Variants in BRINP1 observed in about 807,000 individuals in gnomAD.
The protein encoded by BRINP1 is BMP/retinoic acid-inducible neural-specific protein 1.
BRINP1 carries 17 observed loss-of-function variants against 72.9 expected under a neutral mutation model. That is an observed-to-expected ratio of 0.23 (90% confidence interval 0.16 to 0.35). The LOEUF is 0.35. BRINP1 is among the 10% of genes least tolerant of loss of function. BRINP1 has a pLI of 1.00. For missense variants in BRINP1, 850 were observed against 1,001.6 expected, an observed-to-expected ratio of 0.85 and a Z score of 2.04; for synonymous variants, 418 against 378.5, an observed-to-expected ratio of 1.10 and a Z score of -1.21.
At chr9:119,318,866 T>C (rs1831156216) in intron 1 of BRINP1, among the ~76,000 whole-genome samples, 4 of 151,704 alleles carry the variant, frequency 2.6e-5, no homozygotes. Flanking sequence ...TGTGTGTGTG[T>C]GTGTGTGTGT....
Position 119,248,088 on chromosome 9 carries a change from T to G in BRINP1, c.409+872A>C, listed in dbSNP as rs79991081. The stretch of plus-strand genomic sequence containing the variant: ...CTGTACTGACCACTCCAGTTGGTAG[T>G]GCTCAACATGTCTCTGAAGGAGAAG... On this transcript the variant is annotated intron_variant, in intron 3 of 7. Transcript: ENST00000265922. Among the ~76,000 whole-genome samples, 1,497 of 152,322 alleles carry G rather than the reference T, an allele frequency of 9.8e-3. 25 individuals carry two copies. The highest frequency in any genetic ancestry group is 0.033 in the African/African-American group (1,375 of 41,560).
At chr9:119,203,852 T>C (rs1829827158) in intron 7 of BRINP1, among the ~76,000 whole-genome samples, 1 of 152,194 alleles carries the variant, frequency 6.6e-6, no homozygotes, top group Admixed American at 6.5e-5. Context: ...TTCTACTCAA[T>C]TGCTATTGTA....
chr9:119,312,966 T>C (rs970527932), intron 2 of BRINP1, among the ~76,000 whole-genome samples, 172 bp downstream of exon 2: 2 of 152,206 alleles, frequency 1.3e-5, no homozygotes, highest in Non-Finnish European at 2.9e-5. Context: ...CTCCTTGTCA[T>C]TGTTAATCTC....
intron 1 of BRINP1, among the ~76,000 whole-genome samples, chr9:119,351,450 A>G (rs557664229): frequency 1.1e-4 from 17 of 148,290 alleles, no homozygotes; most frequent in African/African-American, 3.9e-4. Context: ...GCCAGGTTTG[A>G]AAAAAAAAAA....
Position 119,367,219 on chromosome 9 carries a change from T to TATATATATATA in BRINP1, c.-51+1836_-51+1837insTATATATATAT, listed in dbSNP as rs1219045184. On this transcript the variant is annotated intron_variant, in intron 1 of 7. Coordinates refer to ENST00000265922, the MANE Select transcript of BRINP1 (RefSeq NM_014618.3). ...TGTGTGTGTGTGTGTGTGTGTGTGA[T>TATATATATATA]TGATATATATATATATATATATATC... Among the ~76,000 whole-genome samples, 18 of 56,504 alleles carry TATATATATATA rather than the reference T, an allele frequency of 3.2e-4. 1 individual carries two copies. In the East Asian group the frequency reaches 5.2e-3, roughly 16 times the overall value. The allele number at this position is 56,504 out of a possible 152,430, so 37.1% of individuals were successfully genotyped here. A position where few individuals can be genotyped will look rare whatever the true frequency, so the allele number is the denominator to read the frequency against.
chr9:119,172,997 C>T (rs1472270005), intron 7 of BRINP1, among the ~76,000 whole-genome samples: 25 of 148,942 alleles, frequency 1.7e-4, no homozygotes, highest in African/African-American at 2.8e-4. Flanking sequence ...TAATAAGAGC[C>T]ATCTATGACA....
rs140844785 is a variant in BRINP1, at chr9:119,355,524, T to A, written c.-51+13532A>T. 2.7e-3 allele frequency among the ~76,000 whole-genome samples: 414 copies of A among 152,060 alleles called. 3 individuals are homozygous for A. Among genetic ancestry groups the A allele is most frequent in the Non-Finnish European group, 2.2e-3 (152 of 67,968 alleles). Reference sequence around the variant, plus strand: ...TGGGCGAATCACAAGGTCAGGAGATTGAGACCATCCTGGCTAACATGGTAA... The same window carrying A: ...TGGGCGAATCACAAGGTCAGGAGATAGAGACCATCCTGGCTAACATGGTAA... On this transcript the variant is annotated intron_variant, in intron 1 of 7. Transcript: ENST00000265922.
intron 1 of BRINP1, among the ~76,000 whole-genome samples, chr9:119,315,802 G>A (rs1331222127): frequency 6.6e-6 from 1 of 152,208 alleles, no homozygotes; most frequent in African/African-American, 2.4e-5. Context: ...AGTTTTAGAG[G>A]TCTGGGTAGC....
intron 1 of BRINP1, among the ~76,000 whole-genome samples, chr9:119,322,856 G>A (rs1304743427): frequency 2.6e-5 from 4 of 152,134 alleles, no homozygotes; most frequent in Non-Finnish European, 4.4e-5. Context: ...GGCAGTAACA[G>A]GGGGATGCAC....
intron 2 of BRINP1, among the ~76,000 whole-genome samples, chr9:119,264,587 T>G (rs1830529947): frequency 6.6e-6 from 1 of 152,236 alleles, no homozygotes; most frequent in Non-Finnish European, 1.5e-5. Context: ...TCTGTGAAAC[T>G]ATTCACAATT....
chr9:119,213,979 A>G lies in BRINP1; in HGVS notation c.862T>C (p.Tyr288His). Residue 288 changes from tyrosine to histidine, a missense_variant, in exon 6 of 8, where the codon TAC (tyrosine) becomes CAC (histidine). Tyr to His is a moderately conservative substitution (Grantham distance 83). Transcript: ENST00000265922. The part of the protein sequence containing the change: ...CPITDIQIME[Y>H]TLANMAKSWA... ...GACTTGGCCATGTTGGCCAGCGTGT[A>G]CTCCATGATCTGGATGTCCGTGATG... is the stretch of plus-strand genomic sequence containing the variant. The G allele has an allele frequency of 1.2e-6, 2 of 1,614,030 alleles. No individual in the cohort carries two copies. The highest frequency in any genetic ancestry group is 1.7e-6 in the Non-Finnish European group (2 of 1,180,008).
intron 7 of BRINP1, among the ~76,000 whole-genome samples, chr9:119,179,913 C>G (rs1010450347): frequency 1.1e-4 from 17 of 152,340 alleles, no homozygotes; most frequent in African/African-American, 3.8e-4. Context: ...CCTGACAGGT[C>G]TCCTGGTGAC....
chr9:119,241,939 C>T (rs1171061193), intron 4 of BRINP1, 108 bp downstream of exon 4: 6 of 1,215,986 alleles, frequency 4.9e-6, no homozygotes, highest in Non-Finnish European at 7.0e-6. Flanking sequence ...TCACGAGCTA[C>T]ATGGTTATGA....
chr9:119,245,481 G>A (rs186035592), intron 3 of BRINP1, among the ~76,000 whole-genome samples: 1 of 152,210 alleles, frequency 6.6e-6, no homozygotes, highest in East Asian at 1.9e-4. Context: ...GTCATCAGGG[G>A]GACTAAGGAA....
At chr9:119,323,515 G>A (rs1203231654) in intron 1 of BRINP1, among the ~76,000 whole-genome samples, 1 of 152,148 alleles carries the variant, frequency 6.6e-6, no homozygotes, top group Non-Finnish European at 1.5e-5. Flanking sequence ...CATGTACCAA[G>A]GGTCCAAAGG....
At chr9:119,339,192 C>A (rs1489761145) in intron 1 of BRINP1, among the ~76,000 whole-genome samples, 1 of 152,174 alleles carries the variant, frequency 6.6e-6, no homozygotes, top group African/African-American at 2.4e-5. Flanking sequence ...AATTACTCAG[C>A]TCTATCACTG....
At chr9:119,217,128 T>G (rs1484348930) in intron 5 of BRINP1, among the ~76,000 whole-genome samples, 1 of 152,214 alleles carries the variant, frequency 6.6e-6, no homozygotes, top group Non-Finnish European at 1.5e-5. Flanking sequence ...CAGAGTCGTC[T>G]CCTGATGGCC....
chr9:119,326,829 G>A (rs1248716051), intron 1 of BRINP1, among the ~76,000 whole-genome samples: 2 of 152,120 alleles, frequency 1.3e-5, no homozygotes, highest in African/African-American at 4.8e-5. Context: ...ATACGTCCAG[G>A]GTTCTGTGGA....
At chr9:119,180,995 G>T (rs764049721) in intron 7 of BRINP1, among the ~76,000 whole-genome samples, 3 of 152,174 alleles carry the variant, frequency 2.0e-5, no homozygotes, top group African/African-American at 7.2e-5. Context: ...GGAGGATTAC[G>T]AAACAATTTT....
Sources: gnomAD v4.1 joint callset for allele counts (sites outside exome capture counted in the v4.1 genomes callset) on GRCh38, gnomAD v4.1.1 for gene constraint, MANE v1.5 for transcripts, NCBI Gene and HGNC (gene_info 2026-07-23, HGNC 2026-07-21) for gene names.